CCDC91: variants seen among roughly 807,000 people sequenced by gnomAD.
The protein encoded by CCDC91 is coiled-coil domain containing 91.
A neutral mutation model predicts 63.2 loss-of-function variants in CCDC91; 48 were observed. The ratio of observed to expected loss-of-function variants is 0.76; its 90% CI spans 0.60 to 0.97. CCDC91 has a LOEUF of 0.97. Ranked by LOEUF, CCDC91 falls within the 50% of genes least tolerant of loss-of-function variation. The pLI, the probability that CCDC91 is intolerant of heterozygous loss-of-function variation, is 0.00. For synonymous variants in CCDC91, 167 were observed against 165.8 expected (o/e 1.01, Z -0.06); for missense variants, 500 against 494.6 (o/e 1.01, Z -0.10).
intron 8 of CCDC91, among the ~76,000 whole-genome samples, chr12:28,428,311 C>T (rs1948438164): frequency 6.6e-6 from 1 of 151,840 alleles, no homozygotes; most frequent in Admixed American, 6.6e-5. Context: ...TGGCTCATGC[C>T]TGTAATCCCA....
At chr12:28,460,771 A>T (rs1333572584) in intron 11 of CCDC91, among the ~76,000 whole-genome samples, 2 of 150,824 alleles carry the variant, frequency 1.3e-5, no homozygotes, top group Non-Finnish European at 3.0e-5. Flanking sequence ...AAGGGATATT[A>T]TATATAGATA....
chr12:28,480,999 T>A (rs1051558330), intron 11 of CCDC91, among the ~76,000 whole-genome samples: 1 of 152,016 alleles, frequency 6.6e-6, no homozygotes, highest in African/African-American at 2.4e-5. Context: ...AAATATCATA[T>A]AAGTTTTTAG....
At chr12:28,484,949 T>C (rs1163798596) in intron 12 of CCDC91, among the ~76,000 whole-genome samples, 2 of 151,398 alleles carry the variant, frequency 1.3e-5, no homozygotes, top group African/African-American at 4.8e-5. Context: ...TTTGTGCAAA[T>C]ATATAATATA....
At chr12:28,309,927 T>C (rs1939145669) in intron 6 of CCDC91, among the ~76,000 whole-genome samples, 1 of 151,980 alleles carries the variant, frequency 6.6e-6, no homozygotes, top group African/African-American at 2.4e-5. Context: ...TTCCTACCTG[T>C]TATTTTATTT....
intron 6 of CCDC91, among the ~76,000 whole-genome samples, chr12:28,345,302 TATC>T (rs1217301881): frequency 6.6e-6 from 1 of 152,108 alleles, no homozygotes; most frequent in South Asian, 2.1e-4. Flanking sequence ...ATATAAAATT[TATC>T]ATACTTTTTC....
At chr12:28,477,975 T>C (rs1951208347) in intron 11 of CCDC91, among the ~76,000 whole-genome samples, 1 of 152,110 alleles carries the variant, frequency 6.6e-6, no homozygotes, top group Non-Finnish European at 1.5e-5. Flanking sequence ...TACAAACAAA[T>C]GGAACAACAT....
chr12:28,317,515 G>A (rs1940018877), intron 6 of CCDC91, among the ~76,000 whole-genome samples: 1 of 151,818 alleles, frequency 6.6e-6, no homozygotes, highest in African/African-American at 2.4e-5. Context: ...GCACTTACGG[G>A]TGTCTGTGTC....
intron 1 of CCDC91, among the ~76,000 whole-genome samples, chr12:28,218,227 G>A (rs1943694345): frequency 6.6e-6 from 1 of 151,866 alleles, no homozygotes; most frequent in Non-Finnish European, 1.5e-5. Context: ...TTTTCTCTGG[G>A]CTTTCAAGGG....
At chr12:28,230,315 G>C (rs1215293699) in intron 1 of CCDC91, among the ~76,000 whole-genome samples, 1 of 152,058 alleles carries the variant, frequency 6.6e-6, no homozygotes, top group Non-Finnish European at 1.5e-5. Context: ...TTTGCTTCTT[G>C]GCTTTTGGTA....
intron 8 of CCDC91, among the ~76,000 whole-genome samples, chr12:28,408,099 G>T (rs1319941144): frequency 1.3e-5 from 2 of 151,788 alleles, no homozygotes; most frequent in African/African-American, 2.4e-5. Context: ...AGCCTCACAT[G>T]CATTAGGTAT....
intron 3 of CCDC91, among the ~76,000 whole-genome samples, chr12:28,278,641 T>C (rs1202699302): frequency 6.6e-6 from 1 of 152,096 alleles, no homozygotes; most frequent in Non-Finnish European, 1.5e-5. Flanking sequence ...AATCATCATG[T>C]TCCTTTTGAA....
At chr12:28,503,953 G>C (rs1938346238) in intron 12 of CCDC91, among the ~76,000 whole-genome samples, 1 of 151,770 alleles carries the variant, frequency 6.6e-6, no homozygotes, top group Admixed American at 6.6e-5. Flanking sequence ...GGGAAGGGGG[G>C]AGGGATAGCA....
chr12:28,487,003 A>G (rs1204187552), intron 12 of CCDC91, among the ~76,000 whole-genome samples: 1 of 152,038 alleles, frequency 6.6e-6, no homozygotes, highest in Non-Finnish European at 1.5e-5. Context: ...CACATTATTT[A>G]CAGAAAGTAG....
chr12:28,424,066 T>G (rs1280320867), intron 8 of CCDC91, among the ~76,000 whole-genome samples: 1 of 152,114 alleles, frequency 6.6e-6, no homozygotes, highest in African/African-American at 2.4e-5. Context: ...TAGCTGGGAC[T>G]ACTGGCTTGC....
At chr12:28,423,891 A>G (rs1312429408) in intron 8 of CCDC91, among the ~76,000 whole-genome samples, 1 of 152,218 alleles carries the variant, frequency 6.6e-6, no homozygotes, top group South Asian at 2.1e-4. Context: ...TCTGCATATC[A>G]TACTTCTAAA....
At chr12:28,527,914 G>A (rs142491145) in intron 12 of CCDC91, among the ~76,000 whole-genome samples, 2 of 152,196 alleles carry the variant, frequency 1.3e-5, no homozygotes, top group African/African-American at 4.8e-5. Context: ...CTCAGCTCCC[G>A]TCTAACCCAA....
At chr12:28,388,075 G>T (rs1377089111) in intron 7 of CCDC91, among the ~76,000 whole-genome samples, 1 of 152,008 alleles carries the variant, frequency 6.6e-6, no homozygotes, top group Non-Finnish European at 1.5e-5. Context: ...GGCCATTCTT[G>T]CAGGAGTAAG....
intron 8 of CCDC91, among the ~76,000 whole-genome samples, chr12:28,396,528 G>T (rs1946295040): frequency 6.6e-6 from 1 of 152,038 alleles, no homozygotes; most frequent in Admixed American, 6.6e-5. Flanking sequence ...CCAAACTAAA[G>T]TGTGTGGGTA....
At chr12:28,493,562 G>C (rs2141023724) in intron 12 of CCDC91, among the ~76,000 whole-genome samples, 1 of 151,698 alleles carries the variant, frequency 6.6e-6, no homozygotes, top group Middle Eastern at 3.4e-3. Flanking sequence ...CATGGAATAT[G>C]CCCCAACATG....
Sources: gnomAD v4.1 joint callset for allele counts (sites outside exome capture counted in the v4.1 genomes callset) on GRCh38, gnomAD v4.1.1 for gene constraint, MANE v1.5 for transcripts, NCBI Gene and HGNC (gene_info 2026-07-23, HGNC 2026-07-21) for gene names.